The following CLOCK variants were observed in gnomAD, a reference collection of about 807,000 sequenced individuals.
CLOCK encodes clock circadian regulator.
A neutral mutation model predicts 118.4 loss-of-function variants in CLOCK; 43 were observed. The ratio of observed to expected loss-of-function variants is 0.36; its 90% CI spans 0.28 to 0.47. CLOCK has a LOEUF of 0.47. CLOCK is among the 20% of genes least tolerant of loss of function. The pLI, the probability that CLOCK is intolerant of heterozygous loss-of-function variation, is 1.00. For missense variants in CLOCK, 846 were observed against 999.9 expected, an observed-to-expected ratio of 0.85 and a Z score of 2.08; for synonymous variants, 326 against 339.2, an observed-to-expected ratio of 0.96 and a Z score of 0.43.
chr4:55,482,913 TCA>T (rs1028626873), intron 3 of CLOCK, 85 bp from the exon 4 acceptor site: 6 of 605,482 alleles, frequency 9.9e-6, no homozygotes, highest in African/African-American at 9.5e-5. Flanking sequence ...CTATATGTTA[TCA>T]CAGAGACTTC....
In CLOCK at chr4:55,438,735, A is replaced by G. The variant is rs116943991; in HGVS notation, c.2106-198T>C. On this transcript the variant is annotated intron_variant, in intron 21 of 22. Coordinates refer to ENST00000513440, the MANE Select transcript of CLOCK (RefSeq NM_004898.4). ...AGTAAAACAAAAAATTCATACAGCA[A>G]GATCAATGTGTAACAAAAATACAAA... Among the ~76,000 whole-genome samples, 81 of 152,346 alleles carry G rather than the reference A, an allele frequency of 5.3e-4. No individual in the cohort carries two copies. The East Asian group carries it at 0.015, about 28-fold the overall frequency.
Position 55,450,232 on chromosome 4 carries a change from T to G in CLOCK, c.1207A>C (p.Ser403Arg), listed in dbSNP as rs759781394. Residue 403 changes from serine (S) to arginine (R), a missense_variant and splice_region_variant, in exon 16 of 23, where the codon AGC (serine) becomes CGC (arginine). Coordinates refer to ENST00000513440, the MANE Select transcript of CLOCK (RefSeq NM_004898.4). ...ESLPETAADK[S>R]QDSGSDNRIN... is the part of the protein sequence containing the mutation. ...CGATTATCTGACCCAGAATCTTGGC[T>G]CTATGGAGACAGAGTAAAATAAATG... 1 of 1,613,986 alleles carries G rather than the reference T, an allele frequency of 6.2e-7. No homozygotes were observed. The highest frequency in any genetic ancestry group is 8.5e-7 in the Non-Finnish European group (1 of 1,179,908).
chr4:55,471,546 A>T (rs567360554), intron 7 of CLOCK, among the ~76,000 whole-genome samples: 1 of 152,332 alleles, frequency 6.6e-6, no homozygotes, highest in South Asian at 2.1e-4. Context: ...GGAATAAAGA[A>T]AAGTACTTCG....
chr4:55,504,040 T>A (rs1390012855), intron 2 of CLOCK, among the ~76,000 whole-genome samples: 2 of 139,626 alleles, frequency 1.4e-5, no homozygotes, highest in African/African-American at 2.6e-5. Flanking sequence ...ATCCCAGCAC[T>A]TTGGGAGGCC....
At chr4:55,505,722 G>C (rs1194597029) in intron 2 of CLOCK, among the ~76,000 whole-genome samples, 1 of 149,152 alleles carries the variant, frequency 6.7e-6, no homozygotes, top group East Asian at 2.0e-4. Context: ...ATACATAGCT[G>C]CTAAACATGT....
intron 3 of CLOCK, among the ~76,000 whole-genome samples, chr4:55,485,010 C>A (rs751611626): frequency 1.3e-5 from 2 of 152,082 alleles, no homozygotes; most frequent in Non-Finnish European, 2.9e-5. Flanking sequence ...GTGGCCCAGG[C>A]TGGAGTGCAG....
intron 11 of CLOCK, 80 bp downstream of exon 11, chr4:55,458,812 C>T (rs1725101592): frequency 1.1e-6 from 1 of 947,520 alleles, no homozygotes; most frequent in Non-Finnish European, 1.7e-6. Context: ...GCCATTCCAC[C>T]TCAATGTCTG....
At chr4:55,457,262 A>G (rs1724987670) in intron 11 of CLOCK, among the ~76,000 whole-genome samples, 1 of 152,246 alleles carries the variant, frequency 6.6e-6, no homozygotes, top group Non-Finnish European at 1.5e-5. Flanking sequence ...TATTCTATAC[A>G]TGTGTAGTGG....
At chr4:55,492,712 G>A (rs1215531200) in intron 2 of CLOCK, among the ~76,000 whole-genome samples, 2 of 152,034 alleles carry the variant, frequency 1.3e-5, no homozygotes, top group Non-Finnish European at 2.9e-5. Context: ...GGGCATGGTG[G>A]CACACGCCTG....
chr4:55,515,757 A>G (rs1729470976), intron 1 of CLOCK, among the ~76,000 whole-genome samples: 1 of 152,072 alleles, frequency 6.6e-6, no homozygotes. Context: ...GTAGTTTCCT[A>G]AGGCAGAAAC....
At chr4:55,500,341 T>C (rs1003877906) in intron 2 of CLOCK, among the ~76,000 whole-genome samples, 4 of 152,124 alleles carry the variant, frequency 2.6e-5, no homozygotes, top group Non-Finnish European at 4.4e-5. Flanking sequence ...TTTGTTTTGT[T>C]TGGGGGGAGT....
At chr4:55,485,615 A>C (rs1397848451) in intron 3 of CLOCK, among the ~76,000 whole-genome samples, 1 of 152,228 alleles carries the variant, frequency 6.6e-6, no homozygotes, top group South Asian at 2.1e-4. Flanking sequence ...ATATAATCTA[A>C]TATAGAATAC....
intron 15 of CLOCK, chr4:55,452,267 T>A (rs941506202): frequency 6.6e-6 from 1 of 152,216 alleles, no homozygotes; most frequent in African/African-American, 2.4e-5. Flanking sequence ...TCATCTTGCA[T>A]GCTTGCTCTG....
intron 9 of CLOCK, among the ~76,000 whole-genome samples, chr4:55,462,287 C>T (rs1725397033): frequency 6.6e-6 from 1 of 152,124 alleles, no homozygotes; most frequent in South Asian, 2.1e-4. Flanking sequence ...AAGGGTTCCA[C>T]CTTTCTTTCT....
At chr4:55,544,165 G>GAC (rs35842826) in intron 1 of CLOCK, among the ~76,000 whole-genome samples, 4,563 of 148,162 alleles carry the variant, frequency 0.031, 109 homozygotes, top group South Asian at 0.065. Context: ...GAAACAACCA[G>GAC]ACACACACAC....
Position 55,482,790 on chromosome 4 carries a change from T to A in CLOCK, c.-5A>T. The A allele has an allele frequency of 6.2e-7, 1 of 1,607,884 alleles. No individual in the cohort carries two copies. Among genetic ancestry groups the A allele is most frequent in the Non-Finnish European group, 8.5e-7 (1 of 1,176,428 alleles). The stretch of plus-strand genomic sequence containing the variant: ...ACAGCTTACGGTAAACAACATAACA[T>A]ACTACGTTTTCGTCTTGTAGTAGAC... On this transcript the variant is annotated 5_prime_UTR_variant, in exon 4 of 23. The change abolishes an upstream ATG in the 5' untranslated region. Transcript: ENST00000513440.
intron 2 of CLOCK, among the ~76,000 whole-genome samples, chr4:55,495,406 T>C (rs1055007345): frequency 1.2e-4 from 18 of 152,192 alleles, no homozygotes; most frequent in African/African-American, 3.4e-4. Context: ...TTCTCTCTCA[T>C]GTGAGATAAA....
At chr4:55,545,860 G>C (rs1577892865) in intron 1 of CLOCK, 1 of 152,428 alleles carries the variant, frequency 6.6e-6, no homozygotes, top group South Asian at 2.1e-4. Context: ...GGGAAGCGCG[G>C]GTGGACGGAA....
intron 1 of CLOCK, among the ~76,000 whole-genome samples, chr4:55,544,274 A>G (rs1161229416): frequency 4.6e-5 from 7 of 152,140 alleles, no homozygotes; most frequent in Non-Finnish European, 1.0e-4. Flanking sequence ...TGAAAAGCAA[A>G]CTAACCTAGA....
Sources: gnomAD v4.1 joint callset for allele counts (sites outside exome capture counted in the v4.1 genomes callset) on GRCh38, gnomAD v4.1.1 for gene constraint, MANE v1.5 for transcripts, NCBI Gene and HGNC (gene_info 2026-07-23, HGNC 2026-07-21) for gene names.